SYNE2: variants seen among roughly 807,000 people sequenced by gnomAD.
The protein encoded by SYNE2 is nesprin-2.
A neutral mutation model predicts 856.3 loss-of-function variants in SYNE2; 431 were observed. That is an observed-to-expected ratio of 0.50 (90% CI 0.47 to 0.55). The LOEUF is 0.55. Among genes scored for constraint, SYNE2 ranks in the 20% least tolerant of loss-of-function variants. SYNE2 has a pLI of 0.00. For missense variants in SYNE2, 8,129 were observed against 8,023.2 expected (o/e 1.01, Z -0.50); for synonymous variants, 2,923 against 2,872.3 (o/e 1.02, Z -0.56).
intron 99 of SYNE2, among the ~76,000 whole-genome samples, chr14:64,199,515 C>T (rs1282836462): frequency 1.3e-5 from 2 of 151,900 alleles, no homozygotes; most frequent in Non-Finnish European, 2.9e-5. Context: ...GTCAGGAGTT[C>T]GAGACCAGCC....
At chr14:64,103,451 C>G (rs1365833640) in intron 64 of SYNE2, among the ~76,000 whole-genome samples, 2 of 151,262 alleles carry the variant, frequency 1.3e-5, no homozygotes, top group African/African-American at 4.9e-5. Context: ...TTTCCAGTCT[C>G]TCAAATGGTC....
intron 1 of SYNE2, among the ~76,000 whole-genome samples, chr14:63,863,072 A>G (rs1894173612): frequency 6.6e-6 from 1 of 152,150 alleles, no homozygotes; most frequent in South Asian, 2.1e-4. Context: ...TGCTGGGATT[A>G]TGGGCCTGAG....
chr14:64,001,647 A>T (rs558314243), intron 28 of SYNE2, among the ~76,000 whole-genome samples: 1 of 152,368 alleles, frequency 6.6e-6, no homozygotes, highest in African/African-American at 2.4e-5. Context: ...TGGTTAACCT[A>T]GCTCTGCTGC....
Position 64,126,440 on chromosome 14 carries a change from T to A in SYNE2, c.13668T>A (p.Leu4556=). The part of the protein sequence containing the change: ...SVEEMLEMPR[L]YREDGSGQQV... ...AGGAGATGCTGGAGATGCCCAGACTTTACAGGGAGGATGGTTCTGGCCAGC... is the reference window on the plus strand; with the variant it reads ...AGGAGATGCTGGAGATGCCCAGACTATACAGGGAGGATGGTTCTGGCCAGC... Residue 4556 remains leucine, a synonymous_variant, in exon 72 of 116, where the codon CTT becomes CTA. Coordinates refer to ENST00000555002, the MANE Select transcript of SYNE2 (RefSeq NM_182914.3). The A allele has an allele frequency of 1.9e-6, 3 of 1,614,084 alleles. No homozygotes were observed. The South Asian group carries it at 3.3e-5, about 18-fold the overall frequency.
intron 1 of SYNE2, among the ~76,000 whole-genome samples, chr14:63,781,892 C>A (rs1887327093): frequency 6.6e-6 from 1 of 151,958 alleles, no homozygotes; most frequent in South Asian, 2.1e-4. Flanking sequence ...CCTGTAATCC[C>A]AGCACTTTGA....
chr14:63,996,864 A>G (rs1326811731), intron 23 of SYNE2, 83 bp from the exon 24 acceptor site: 1 of 1,291,484 alleles, frequency 7.7e-7, no homozygotes. Flanking sequence ...TTAAAACTAC[A>G]CACATCTGTT....
intron 111 of SYNE2, 170 bp from the exon 112 acceptor site, chr14:64,221,405 CT>C: frequency 8.3e-7 from 1 of 1,205,042 alleles, no homozygotes; most frequent in Non-Finnish European, 1.2e-6. Flanking sequence ...CTTCTTTCCT[CT>C]TCCTCATTTT....
At chr14:64,126,922 A>G in intron 73 of SYNE2, 115 bp downstream of exon 73, 3 of 1,147,172 alleles carry the variant, frequency 2.6e-6, no homozygotes, top group Non-Finnish European at 3.8e-6. Flanking sequence ...AAGGGAAATG[A>G]TGAGACTCTT....
intron 1 of SYNE2, among the ~76,000 whole-genome samples, chr14:63,790,378 GAAAGAAAGAA>G: frequency 6.6e-6 from 1 of 151,396 alleles, no homozygotes; most frequent in Non-Finnish European, 1.5e-5. Context: ...AAGAAGGAAG[GAAAGAAAGAA>G]AAAGAAAGAA....
At chr14:64,196,767 C>T (rs1048485595) in intron 99 of SYNE2, 2 of 152,224 alleles carry the variant, frequency 1.3e-5, no homozygotes, top group African/African-American at 4.8e-5. Flanking sequence ...CTTCCCCCAG[C>T]GTTGCAATCC....
intron 1 of SYNE2, among the ~76,000 whole-genome samples, chr14:63,867,922 G>A (rs1035669561): frequency 2.0e-5 from 3 of 151,940 alleles, no homozygotes; most frequent in Non-Finnish European, 2.9e-5. Context: ...TTAGCTAGAC[G>A]TGGTGGCATG....
intron 94 of SYNE2, among the ~76,000 whole-genome samples, chr14:64,171,912 G>A (rs756880510): frequency 2.7e-4 from 41 of 152,124 alleles, no homozygotes; most frequent in Non-Finnish European, 5.1e-4. Flanking sequence ...GTGCAGTGTT[G>A]CGATCTTGGC....
Position 64,220,455 on chromosome 14 carries a change from G to A in SYNE2, c.19879G>A (p.Asp6627Asn). ...KRLQEILKAF[D>N]TYKALVVSVN... Reference sequence around the variant, plus strand: ...CTGGTAGGAGATACTGAAAGCCTTTGACACTTACAAGGCATTAGTGGTCTC... The same window carrying A: ...CTGGTAGGAGATACTGAAAGCCTTTAACACTTACAAGGCATTAGTGGTCTC... Residue 6627 changes from aspartate to asparagine, a missense_variant, in exon 111 of 116, where the codon GAC (aspartate) becomes AAC (asparagine). By Grantham distance (23) the Asp-to-Asn change is conservative (BLOSUM62 1). Transcript: ENST00000555002. The A allele has an allele frequency of 6.2e-7, 1 of 1,614,192 alleles. No individual in the cohort carries two copies. The highest frequency in any genetic ancestry group is 8.5e-7 in the Non-Finnish European group (1 of 1,180,036).
chr14:63,839,111 C>T (rs1342393903), intron 1 of SYNE2, among the ~76,000 whole-genome samples: 1 of 151,968 alleles, frequency 6.6e-6, no homozygotes, highest in Non-Finnish European at 1.5e-5. Context: ...CTCACTGCAA[C>T]CTCCAACTCC....
At chr14:64,006,915 A>G in intron 30 of SYNE2, 128 bp from the exon 31 acceptor site, 1 of 731,354 alleles carries the variant, frequency 1.4e-6, no homozygotes, top group Non-Finnish European at 2.4e-6. Flanking sequence ...TGTAACAGGA[A>G]TGTGTAATTT....
intron 1 of SYNE2, among the ~76,000 whole-genome samples, chr14:63,808,206 G>T (rs1386572500): frequency 6.7e-6 from 1 of 149,374 alleles, no homozygotes; most frequent in Non-Finnish European, 1.5e-5. Flanking sequence ...GAGATTACAG[G>T]TGTGAGCCAC....
In SYNE2 at chr14:63,982,779, T is replaced by A. The variant is rs763085785; in HGVS notation, c.1986T>A (p.Val662=). The change falls in exon 17 of 116, where the codon GTT becomes GTA. Residue 662 remains valine, a synonymous_variant. Coordinates refer to ENST00000555002, the MANE Select transcript of SYNE2 (RefSeq NM_182914.3). The part of the protein sequence containing the change: ...RRLNKRWRKL[V]SKTQLEMNLP... ...TGAATAAAAGATGGAGAAAGTTGGTTTCAAAAACTCAACTTGTAAGTTCTT... is the reference window on the plus strand; with the variant it reads ...TGAATAAAAGATGGAGAAAGTTGGTATCAAAAACTCAACTTGTAAGTTCTT... 1 of 1,614,064 alleles carries A rather than the reference T, an allele frequency of 6.2e-7. No homozygotes were observed. The highest frequency in any genetic ancestry group is 8.5e-7 in the Non-Finnish European group (1 of 1,179,962).
intron 84 of SYNE2, among the ~76,000 whole-genome samples, chr14:64,149,448 G>C (rs2153700572): frequency 6.6e-6 from 1 of 152,336 alleles, no homozygotes. Flanking sequence ...TGGAGTTGAT[G>C]AAGCATGAAG....
chr14:63,867,404 A>T, intron 1 of SYNE2, among the ~76,000 whole-genome samples: 1 of 142,254 alleles, frequency 7.0e-6, no homozygotes. Context: ...AAAAAGAGAG[A>T]GAGAGAGAAA....
Sources: gnomAD v4.1 joint callset for allele counts (sites outside exome capture counted in the v4.1 genomes callset) on GRCh38, gnomAD v4.1.1 for gene constraint, MANE v1.5 for transcripts, NCBI Gene and HGNC (gene_info 2026-07-23, HGNC 2026-07-21) for gene names.